Variants in MARK3 observed in about 807,000 individuals in gnomAD.
MARK3 encodes the protein microtubule affinity regulating kinase 3, also known as MAP/microtubule affinity-regulating kinase 3.
A neutral mutation model predicts 90.1 loss-of-function variants in MARK3; 46 were observed. The observed-to-expected ratio is 0.51, with a 90% CI of 0.40 to 0.65. The LOEUF (loss-of-function observed/expected upper bound fraction) is 0.65. Ranked by LOEUF, MARK3 falls within the 30% of genes least tolerant of loss-of-function variation. The pLI, the probability that MARK3 is intolerant of heterozygous loss-of-function variation, is 0.00. For synonymous variants in MARK3, 321 were observed against 332.6 expected (o/e 0.97, Z 0.38); for missense variants, 818 against 947.2 (o/e 0.86, Z 1.79).
chr14:103,450,617 T>C (rs1566865179), intron 4 of MARK3, among the ~76,000 whole-genome samples: 1 of 152,204 alleles, frequency 6.6e-6, no homozygotes, highest in Non-Finnish European at 1.5e-5. Flanking sequence ...TGGCTTTTCT[T>C]CACAGTCTGA....
chr14:103,425,711 T>G (rs150253586), intron 2 of MARK3, among the ~76,000 whole-genome samples: 159 of 152,366 alleles, frequency 1.0e-3, no homozygotes, highest in African/African-American at 3.7e-3. Context: ...CCACTGAAAC[T>G]TATGTTTTCC....
Position 103,385,980 on chromosome 14 carries a change from G to T in MARK3, c.-50G>T, listed in dbSNP as rs1488280176. ...CGCTGGTCGCCGGCCTCCTAGGGCT[G>T]TGCTGTTTTGTTTTGACCCTCGCAT... On this transcript the variant is annotated 5_prime_UTR_variant, in exon 1 of 18. Transcript: ENST00000429436. 2.0e-6 allele frequency: 3 copies of T among 1,500,024 alleles called. 1 individual carries two copies. Among genetic ancestry groups the T allele is most frequent in the Non-Finnish European group, 2.8e-6 (3 of 1,076,034 alleles). 92.9% of individuals were successfully genotyped at this position (1,500,024 alleles called of 1,614,324 possible).
intron 5 of MARK3, 63 bp downstream of exon 5, chr14:103,452,046 C>T (rs113557445): frequency 1.5e-5 from 16 of 1,050,372 alleles, no homozygotes; most frequent in Non-Finnish European, 2.2e-5. Context: ...AATACACAAC[C>T]ATACTGCCCA....
chr14:103,468,109 G>A lies in MARK3; in HGVS notation c.1187G>A (p.Ser396Asn), dbSNP rs1398822483. ...KVRPSSDLNN[S>N]TGQSPHHKVQ... ...AGGCCGAGCAGTGATCTCAACAACA[G>A]TACTGGCCAGTCTCCTCACCACAAA... Residue 396 changes from serine to asparagine, a missense_variant, in exon 12 of 18, where the codon AGT (serine) becomes AAT (asparagine). Coordinates refer to ENST00000429436, the MANE Select transcript of MARK3 (RefSeq NM_001128918.3). 1 of 1,613,938 alleles carries A rather than the reference G, an allele frequency of 6.2e-7. No individual in the cohort carries two copies. Among genetic ancestry groups the A allele is most frequent in the Non-Finnish European group, 8.5e-7 (1 of 1,179,968 alleles).
At chr14:103,467,932 G>A in intron 11 of MARK3, 101 bp from the exon 12 acceptor site, 1 of 1,152,474 alleles carries the variant, frequency 8.7e-7, no homozygotes, top group Non-Finnish European at 1.2e-6. Flanking sequence ...CTCTCTGAAT[G>A]AACGGTTTAT....
At position 103,479,975 on chromosome 14, in the gene MARK3, G is replaced by A. The variant is rs184057762; in HGVS notation, c.1483-412G>A. On this transcript the variant is annotated intron_variant, in intron 13 of 17. Coordinates refer to ENST00000429436, the MANE Select transcript of MARK3 (RefSeq NM_001128918.3). ...TTTTTTAAAGAAATATCTATTGAAG[G>A]TGCCGATTTTAAAATTAGGTTGTCA... is the stretch of plus-strand genomic sequence containing the variant. Among the ~76,000 whole-genome samples, 33 of 152,182 alleles carry A rather than the reference G, an allele frequency of 2.2e-4. 1 individual carries two copies. The highest frequency in any genetic ancestry group is 7.9e-4 in the Admixed American group (12 of 15,276).
chr14:103,496,516 G>A (rs1461428366), intron 15 of MARK3, among the ~76,000 whole-genome samples: 3 of 152,136 alleles, frequency 2.0e-5, no homozygotes, highest in Admixed American at 2.0e-4. Context: ...GGGTTCAAGC[G>A]ATTATCCTGC....
At chr14:103,452,471 C>T (rs375424998) in intron 5 of MARK3, among the ~76,000 whole-genome samples, 81 of 97,408 alleles carry the variant, frequency 8.3e-4, no homozygotes, top group Non-Finnish European at 1.2e-3. Flanking sequence ...CAGGATTTGT[C>T]TTTTTTTTTT....
chr14:103,448,971 C>A lies in MARK3; in HGVS notation c.346+4C>A. ...ATTTTAAATCATCCCAATATAGGTA[C>A]TTTCTGCTTTTTTAAATATTTTGGG... On this transcript the variant is annotated splice_donor_region_variant and intron_variant, in intron 4 of 17. Transcript: ENST00000429436. The A allele has an allele frequency of 6.4e-7, 1 of 1,560,444 alleles. No homozygotes were observed. The highest frequency in any genetic ancestry group is 8.7e-7 in the Non-Finnish European group (1 of 1,148,410).
chr14:103,404,417 A>T (rs557894525), intron 1 of MARK3, among the ~76,000 whole-genome samples: 2 of 152,358 alleles, frequency 1.3e-5, no homozygotes, highest in African/African-American at 4.8e-5. Flanking sequence ...ATGCCTGCGC[A>T]TACAGCCATG....
chr14:103,397,467 C>T (rs1319100735), intron 1 of MARK3, among the ~76,000 whole-genome samples: 2 of 151,928 alleles, frequency 1.3e-5, no homozygotes, highest in Non-Finnish European at 2.9e-5. Context: ...GCTGGGACTA[C>T]AGGCACCCGC....
At chr14:103,491,146 C>A in intron 14 of MARK3, 1 of 1,211,674 alleles carries the variant, frequency 8.3e-7, no homozygotes, top group Non-Finnish European at 1.1e-6. Context: ...CTAATGTGTA[C>A]CCACTGCTTC....
intron 15 of MARK3, among the ~76,000 whole-genome samples, chr14:103,494,644 CT>C (rs1277845879): frequency 2.0e-5 from 3 of 150,198 alleles, no homozygotes; most frequent in Admixed American, 6.6e-5. Flanking sequence ...TCAGCTACCT[CT>C]TTTTTTTTCC....
At chr14:103,473,153 G>A (rs933596263) in intron 12 of MARK3, among the ~76,000 whole-genome samples, 28 of 152,194 alleles carry the variant, frequency 1.8e-4, no homozygotes, top group Non-Finnish European at 3.7e-4. Flanking sequence ...TAGAGATGGC[G>A]AGCAGGTTAG....
chr14:103,475,589 T>C (rs576509194), intron 13 of MARK3, among the ~76,000 whole-genome samples: 1 of 152,266 alleles, frequency 6.6e-6, no homozygotes, highest in African/African-American at 2.4e-5. Context: ...AGGAGACAAA[T>C]GCTGTGTTGT....
intron 1 of MARK3, among the ~76,000 whole-genome samples, chr14:103,393,764 T>C (rs2090415189): frequency 2.6e-5 from 1 of 38,410 alleles, no homozygotes; most frequent in African/African-American, 9.0e-5. Flanking sequence ...TTTTATTACT[T>C]TTTTTTTTTT....
At chr14:103,453,869 G>A (rs1320010206) in intron 5 of MARK3, among the ~76,000 whole-genome samples, 1 of 152,188 alleles carries the variant, frequency 6.6e-6, no homozygotes, top group South Asian at 2.1e-4. Flanking sequence ...AATGGAGGCT[G>A]GGAAGTCTCA....
chr14:103,480,314 T>G, intron 13 of MARK3, 73 bp from the exon 14 acceptor site: 1 of 883,358 alleles, frequency 1.1e-6, no homozygotes, highest in Non-Finnish European at 1.8e-6. Flanking sequence ...CCTATTTATG[T>G]AGATAAGTTC....
At chr14:103,407,569 TTTTTTTTTTTG>T in intron 2 of MARK3, among the ~76,000 whole-genome samples, 1 of 136,766 alleles carries the variant, frequency 7.3e-6, no homozygotes. Flanking sequence ...TTTTTTTTTT[TTTTTTTTTTTG>T]AGACGGAGTC....
Sources: allele counts gnomAD v4.1 joint callset (sites outside exome capture counted in the v4.1 genomes callset), GRCh38; gene constraint gnomAD v4.1.1; transcripts MANE v1.5; gene names NCBI Gene and HGNC (gene_info 2026-07-23, HGNC 2026-07-21).